The following MARCHF3 variants were observed in gnomAD, a reference collection of about 807,000 sequenced individuals.
MARCHF3 encodes E3 ubiquitin-protein ligase MARCHF3.
MARCHF3 carries 13 observed loss-of-function variants against 24.2 expected under a neutral mutation model. The ratio of observed to expected loss-of-function variants is 0.54; its 90% CI spans 0.35 to 0.85. MARCHF3 has a LOEUF of 0.85. Among genes scored for constraint, MARCHF3 ranks in the 40% least tolerant of loss-of-function variants. MARCHF3 has a pLI of 0.01. For synonymous variants in MARCHF3, 144 were observed against 137.3 expected (o/e 1.05, Z -0.34); for missense variants, 276 against 325.0 (o/e 0.85, Z 1.16).
intron 1 of MARCHF3, among the ~76,000 whole-genome samples, chr5:126,998,691 C>T (rs905891797): frequency 1.3e-5 from 2 of 152,092 alleles, no homozygotes; most frequent in Admixed American, 1.3e-4. Context: ...CCAGGTAGCC[C>T]ACAGATGTTT....
chr5:127,005,490 C>T (rs1405586874), intron 1 of MARCHF3, among the ~76,000 whole-genome samples: 1 of 151,960 alleles, frequency 6.6e-6, no homozygotes, highest in Non-Finnish European at 1.5e-5. Context: ...TGGGTAAGTC[C>T]CACAACTCCT....
At chr5:126,924,517 T>C (rs529618009) in intron 1 of MARCHF3, among the ~76,000 whole-genome samples, 1 of 152,312 alleles carries the variant, frequency 6.6e-6, no homozygotes, top group Non-Finnish European at 1.5e-5. Context: ...CGCTCTTTGA[T>C]AGAACATTCC....
rs541904504 is a variant in MARCHF3, at chr5:126,926,624, C to T, written c.-56-8397G>A. 3.3e-5 allele frequency among the ~76,000 whole-genome samples: 5 copies of T among 152,128 alleles called. No individual in the cohort carries two copies. The East Asian group carries it at 9.7e-4, about 29-fold the overall frequency. ...CTTGAGTGTTCCTTCATGGCCTTTT[C>T]ACACATTTAGCTTTTGAGTAAGGAG... On this transcript the variant is annotated intron_variant, in intron 1 of 4. Transcript: ENST00000308660.
Position 126,889,348 on chromosome 5 carries a change from C to T in MARCHF3, c.394-10954G>A, listed in dbSNP as rs73783479. On this transcript the variant is annotated intron_variant, in intron 3 of 4. Coordinates refer to ENST00000308660, the MANE Select transcript of MARCHF3 (RefSeq NM_178450.5). The stretch of plus-strand genomic sequence containing the variant: ...ATAACATGAATATGAACAATAAATT[C>T]CTATTTTGATAATAGGGATGTTTGA... Among the ~76,000 whole-genome samples, 1,265 of 152,032 alleles carry T rather than the reference C, an allele frequency of 8.3e-3. 19 individuals are homozygous for T. Among genetic ancestry groups the T allele is most frequent in the East Asian group, 0.025 (128 of 5,174 alleles).
At chr5:127,022,666 A>G (rs1343344284) in intron 1 of MARCHF3, among the ~76,000 whole-genome samples, 1 of 152,206 alleles carries the variant, frequency 6.6e-6, no homozygotes, top group Non-Finnish European at 1.5e-5. Flanking sequence ...CCGGATCCAA[A>G]GGCAAAAGCA....
rs34412363 is a variant in MARCHF3, at chr5:127,007,346, T to TA, written c.-57+23003dup. Among the ~76,000 whole-genome samples the TA allele has an allele frequency of 9.3e-3, 1,267 of 136,960 alleles. 6 individuals are homozygous for TA. Among genetic ancestry groups the TA allele is most frequent in the Non-Finnish European group, 0.012 (754 of 62,680 alleles). The allele number at this position is 136,960 out of a possible 152,430, so 89.9% of individuals were successfully genotyped here. On this transcript the variant is annotated intron_variant, in intron 1 of 4. Coordinates refer to ENST00000308660, the MANE Select transcript of MARCHF3 (RefSeq NM_178450.5). Reference sequence around the variant, plus strand: ...GGATTTTTTTTAACTTGCATACAAGTAAAAAAAAAAAAACCTTAAAAGAGG... The same window carrying TA: ...GGATTTTTTTTAACTTGCATACAAGTAAAAAAAAAAAAAACCTTAAAAGAGG...
At chr5:126,992,928 T>C (rs1305279978) in intron 1 of MARCHF3, among the ~76,000 whole-genome samples, 1 of 152,062 alleles carries the variant, frequency 6.6e-6, no homozygotes, top group Non-Finnish European at 1.5e-5. Context: ...CCAGCCACCA[T>C]GCCTGGCTAA....
At chr5:126,938,292 C>T (rs935706283) in intron 1 of MARCHF3, among the ~76,000 whole-genome samples, 4 of 151,470 alleles carry the variant, frequency 2.6e-5, no homozygotes, top group African/African-American at 9.7e-5. Context: ...CTCAGCCTCC[C>T]GAGTAGCTGG....
At chr5:126,889,634 A>G (rs1197235264) in intron 3 of MARCHF3, among the ~76,000 whole-genome samples, 1 of 152,190 alleles carries the variant, frequency 6.6e-6, no homozygotes, top group Non-Finnish European at 1.5e-5. Flanking sequence ...GGACCATGAA[A>G]ACAGAGGAAC....
rs185119636 is a variant in MARCHF3, at chr5:126,909,468, C to T, written c.393+5462G>A. Reference sequence around the variant, plus strand: ...CTCAGACTGCTGTGCTAGCAATCAGCGACACTCCGTGGGCGTAGGACCCTC... The same window carrying T: ...CTCAGACTGCTGTGCTAGCAATCAGTGACACTCCGTGGGCGTAGGACCCTC... On this transcript the variant is annotated intron_variant, in intron 3 of 4. Transcript: ENST00000308660. 2.9e-3 allele frequency among the ~76,000 whole-genome samples: 445 copies of T among 152,300 alleles called. 6 individuals are homozygous for T. Among genetic ancestry groups the T allele is most frequent in the African/African-American group, 9.6e-3 (398 of 41,574 alleles).
intron 1 of MARCHF3, among the ~76,000 whole-genome samples, chr5:126,993,051 C>T (rs1311676737): frequency 6.6e-6 from 1 of 152,136 alleles, no homozygotes; most frequent in African/African-American, 2.4e-5. Flanking sequence ...GGATTACAGG[C>T]GTGAGCCACT....
chr5:126,984,382 C>G (rs998095028), intron 1 of MARCHF3, among the ~76,000 whole-genome samples: 2 of 152,066 alleles, frequency 1.3e-5, no homozygotes, highest in Non-Finnish European at 2.9e-5. Context: ...TAAGGAAAGC[C>G]AAGCAGGTTA....
At chr5:126,952,173 A>C (rs1750264782) in intron 1 of MARCHF3, among the ~76,000 whole-genome samples, 1 of 152,130 alleles carries the variant, frequency 6.6e-6, no homozygotes, top group African/African-American at 2.4e-5. Flanking sequence ...GTTTTGGTAC[A>C]ACTGTAATCT....
At chr5:126,911,246 C>G (rs1032841055) in intron 3 of MARCHF3, among the ~76,000 whole-genome samples, 4 of 152,154 alleles carry the variant, frequency 2.6e-5, no homozygotes, top group African/African-American at 9.7e-5. Flanking sequence ...CCTTGTGAAG[C>G]ATGTGATCTC....
At chr5:126,896,244 A>G (rs1373933856) in intron 3 of MARCHF3, among the ~76,000 whole-genome samples, 2 of 152,110 alleles carry the variant, frequency 1.3e-5, no homozygotes, top group Non-Finnish European at 2.9e-5. Flanking sequence ...GGTACCTCAG[A>G]TGGAAATGCA....
intron 1 of MARCHF3, among the ~76,000 whole-genome samples, chr5:126,928,630 A>G (rs187883671): frequency 6.6e-6 from 1 of 152,290 alleles, no homozygotes; most frequent in East Asian, 1.9e-4. Flanking sequence ...AAAGTGTCAA[A>G]TAGAACATGA....
At chr5:126,927,288 T>C (rs1025624267) in intron 1 of MARCHF3, among the ~76,000 whole-genome samples, 2 of 152,232 alleles carry the variant, frequency 1.3e-5, no homozygotes, top group African/African-American at 2.4e-5. Context: ...GCTGTCTGCA[T>C]AGCCTGTATC....
At chr5:126,878,473 G>T in intron 3 of MARCHF3, 79 bp from the exon 4 acceptor site, 1 of 1,407,574 alleles carries the variant, frequency 7.1e-7, no homozygotes, top group Non-Finnish European at 9.7e-7. Context: ...CTGTTCTGAA[G>T]TTATCTTTGC....
intron 1 of MARCHF3, among the ~76,000 whole-genome samples, chr5:126,932,857 T>A (rs1489835896): frequency 6.6e-6 from 1 of 152,304 alleles, no homozygotes; most frequent in East Asian, 1.9e-4. Flanking sequence ...TCTGAAGCAT[T>A]TTGTACAGAT....
Sources: allele counts gnomAD v4.1 joint callset (sites outside exome capture counted in the v4.1 genomes callset), GRCh38; gene constraint gnomAD v4.1.1; transcripts MANE v1.5; gene names NCBI Gene and HGNC (gene_info 2026-07-23, HGNC 2026-07-21).